NCK2: variants seen among roughly 807,000 people sequenced by gnomAD.
The protein encoded by NCK2 is NCK adaptor protein 2, also known as cytoplasmic protein NCK2.
Under a neutral mutation model 33.9 loss-of-function variants are expected in NCK2, and 16 were observed. That is an observed-to-expected ratio of 0.47 (90% CI 0.32 to 0.72). NCK2 has a LOEUF of 0.72. Among genes scored for constraint, NCK2 ranks in the 30% least tolerant of loss-of-function variants. NCK2 has a pLI of 0.03. For synonymous variants in NCK2, 273 were observed against 239.9 expected (o/e 1.14, Z -1.27); for missense variants, 418 against 537.3 (o/e 0.78, Z 2.19).
Position 105,881,942 on chromosome 2 carries a change from G to T in NCK2, c.841G>T (p.Ala281Ser). 3 of 1,560,174 alleles carry T rather than the reference G, an allele frequency of 1.9e-6. No individual in the cohort carries two copies. The highest frequency in any genetic ancestry group is 2.6e-6 in the Non-Finnish European group (3 of 1,154,062). The change falls in exon 4 of 5, where the codon GCG becomes TCG. Residue 281 changes from alanine (A) to serine (S), a missense_variant. Physicochemically the swap from Ala to Ser is moderately conservative, Grantham distance 99. Transcript: ENST00000233154. ...CGGGCCCTCGTCCAGCGGGCGCTTC[G>T]CGGGCAGAGAGTGGTACTACGGGAA... ...YTGPSSSGRF[A>S]GREWYYGNVT...
At chr2:105,777,545 C>T (rs963638787) in intron 1 of NCK2, among the ~76,000 whole-genome samples, 14 of 152,140 alleles carry the variant, frequency 9.2e-5, no homozygotes, top group African/African-American at 3.4e-4. Context: ...GGATTATACC[C>T]ACACACCAAA....
Position 105,855,279 on chromosome 2 carries a change from G to A in NCK2, c.216G>A (p.Lys72=). ...LKKGSLVKNL[K]DTLGLGKTRR... ...AGGGCTCCCTCGTGAAGAACCTGAAGGACACACTAGGTGAGTGTTTCACCC... is the reference window on the plus strand; with the variant it reads ...AGGGCTCCCTCGTGAAGAACCTGAAAGACACACTAGGTGAGTGTTTCACCC... The change falls in exon 3 of 5, where the codon AAG becomes AAA. Residue 72 remains lysine, a synonymous_variant. Coordinates refer to ENST00000233154, the MANE Select transcript of NCK2 (RefSeq NM_003581.5). 1 of 1,603,482 alleles carries A rather than the reference G, an allele frequency of 6.2e-7. No individual in the cohort carries two copies. The highest frequency in any genetic ancestry group is 8.5e-7 in the Non-Finnish European group (1 of 1,174,574).
At chr2:105,831,917 A>G (rs1195756195) in intron 2 of NCK2, among the ~76,000 whole-genome samples, 2 of 151,970 alleles carry the variant, frequency 1.3e-5, no homozygotes, top group Non-Finnish European at 2.9e-5. Context: ...TTCTTTTTCT[A>G]TTTCTGTGAA....
chr2:105,820,216 T>A (rs1675672086), intron 2 of NCK2, among the ~76,000 whole-genome samples: 1 of 152,238 alleles, frequency 6.6e-6, no homozygotes, highest in Admixed American at 6.5e-5. Context: ...CTGCAGGTCA[T>A]TCAGACAATA....
At chr2:105,785,495 A>G (rs540840811) in intron 1 of NCK2, among the ~76,000 whole-genome samples, 2 of 152,288 alleles carry the variant, frequency 1.3e-5, no homozygotes, top group South Asian at 4.1e-4. Context: ...CGACCAAAAG[A>G]CCGCCAATAC....
intron 1 of NCK2, among the ~76,000 whole-genome samples, chr2:105,759,127 G>A (rs939083825): frequency 5.3e-5 from 8 of 152,166 alleles, no homozygotes; most frequent in African/African-American, 1.9e-4. Flanking sequence ...AATTTTAAAG[G>A]TTGATCGAAT....
intron 1 of NCK2, among the ~76,000 whole-genome samples, chr2:105,749,834 A>G (rs1689395760): frequency 6.6e-6 from 1 of 152,058 alleles, no homozygotes; most frequent in African/African-American, 2.4e-5. Flanking sequence ...ATTCCTGTTT[A>G]GTGCGTGTAT....
chr2:105,813,747 A>C (rs1054231534), intron 1 of NCK2, among the ~76,000 whole-genome samples: 3 of 152,224 alleles, frequency 2.0e-5, no homozygotes, highest in Admixed American at 2.0e-4. Context: ...TTGTGGCTTT[A>C]GTGGAAAAAA....
chr2:105,858,343 T>G (rs1677373162), intron 3 of NCK2, among the ~76,000 whole-genome samples: 1 of 152,154 alleles, frequency 6.6e-6, no homozygotes, highest in African/African-American at 2.4e-5. Context: ...ACTGTAGTAT[T>G]GACCTCAGGT....
Position 105,857,383 on chromosome 2 carries a change from C to CGTCGGTT in NCK2, c.226+2095_226+2101dup, listed in dbSNP as rs1196276972. On this transcript the variant is annotated intron_variant, in intron 3 of 4. Coordinates refer to ENST00000233154, the MANE Select transcript of NCK2 (RefSeq NM_003581.5). ...GCCATCCAGCCCTGCTGGAGCGCAG[C>CGTCGGTT]GTCGGTTCGAGTAGGCCAATCCCAT... Among the ~76,000 whole-genome samples the CGTCGGTT allele has an allele frequency of 5.9e-5, 9 of 152,380 alleles. No individual in the cohort carries two copies. In the East Asian group the frequency reaches 1.7e-3, roughly 29 times the overall value.
intron 2 of NCK2, among the ~76,000 whole-genome samples, chr2:105,823,769 C>A (rs983739365): frequency 2.6e-5 from 4 of 152,084 alleles, no homozygotes; most frequent in African/African-American, 9.7e-5. Flanking sequence ...CTCAGCTTCT[C>A]AGAGTCACAC....
chr2:105,827,442 A>G (rs1487606634), intron 2 of NCK2, among the ~76,000 whole-genome samples: 2 of 152,232 alleles, frequency 1.3e-5, no homozygotes, highest in African/African-American at 4.8e-5. Flanking sequence ...TGATAGAACA[A>G]CCACACAGAA....
rs75837325 is a variant in NCK2, at chr2:105,855,561, G to A, written c.226+272G>A. ...CACAGGTATCTCCTTGTATCAAAAC[G>A]TTAGAGGAGCCTGACTTGGAATTCT... On this transcript the variant is annotated intron_variant, in intron 3 of 4. Transcript: ENST00000233154. 8.1e-3 allele frequency: 2,507 copies of A among 308,300 alleles called. 59 individuals carry two copies. Among genetic ancestry groups the A allele is most frequent in the African/African-American group, 0.048 (2,279 of 47,274 alleles). 19.1% of individuals were successfully genotyped at this position (308,300 alleles called of 1,614,324 possible). A position where few individuals can be genotyped will look rare whatever the true frequency, so the allele number is the denominator to read the frequency against.
At chr2:105,823,782 G>A (rs1449910748) in intron 2 of NCK2, among the ~76,000 whole-genome samples, 1 of 152,062 alleles carries the variant, frequency 6.6e-6, no homozygotes, top group Non-Finnish European at 1.5e-5. Flanking sequence ...AGTCACACCT[G>A]ACCAACAGTC....
intron 1 of NCK2, among the ~76,000 whole-genome samples, chr2:105,762,896 A>C (rs2104358677): frequency 6.6e-6 from 1 of 152,222 alleles, no homozygotes. Flanking sequence ...AATGAAAATC[A>C]CTTAAAAGCA....
At chr2:105,827,232 C>T (rs573210336) in intron 2 of NCK2, among the ~76,000 whole-genome samples, 1 of 152,098 alleles carries the variant, frequency 6.6e-6, no homozygotes, top group Admixed American at 6.5e-5. Flanking sequence ...ATCTCCTGAC[C>T]TCGTGATCTA....
At chr2:105,793,107 G>A (rs1483387745) in intron 1 of NCK2, among the ~76,000 whole-genome samples, 1 of 152,144 alleles carries the variant, frequency 6.6e-6, no homozygotes, top group African/African-American at 2.4e-5. Context: ...AGAAGTGGCA[G>A]TGTGGCTCGC....
At chr2:105,790,150 T>C (rs954631069) in intron 1 of NCK2, among the ~76,000 whole-genome samples, 4 of 152,268 alleles carry the variant, frequency 2.6e-5, no homozygotes, top group Admixed American at 2.6e-4. Flanking sequence ...GGCAGCCGTT[T>C]CTTCTTCATC....
At chr2:105,877,054 G>A (rs916853179) in intron 3 of NCK2, among the ~76,000 whole-genome samples, 21 of 152,190 alleles carry the variant, frequency 1.4e-4, no homozygotes, top group African/African-American at 5.1e-4. Context: ...GGCAAGAGGA[G>A]AAGGACAAGG....
Sources: gnomAD v4.1 joint callset for allele counts (sites outside exome capture counted in the v4.1 genomes callset) on GRCh38, gnomAD v4.1.1 for gene constraint, MANE v1.5 for transcripts, NCBI Gene and HGNC (gene_info 2026-07-23, HGNC 2026-07-21) for gene names.